RELN: variants seen among roughly 807,000 people sequenced by gnomAD.
RELN encodes reelin.
RELN carries 108 observed loss-of-function variants against 427.6 expected under a neutral mutation model. The ratio of observed to expected loss-of-function variants is 0.25; its 90% CI spans 0.22 to 0.30. The LOEUF (loss-of-function observed/expected upper bound fraction) is 0.30. Among genes scored for constraint, RELN ranks in the 10% least tolerant of loss-of-function variants. The pLI is 1.00. For synonymous variants in RELN, 1,524 were observed against 1,513.4 expected, an observed-to-expected ratio of 1.01 and a Z score of -0.16; for missense variants, 3,715 against 4,302.8, an observed-to-expected ratio of 0.86 and a Z score of 3.82.
intron 2 of RELN, among the ~76,000 whole-genome samples, chr7:103,887,969 T>C (rs10276523): frequency 0.66 from 100,390 of 151,906 alleles, 33,217 homozygotes; most frequent in East Asian, 0.78. Context: ...GGAAAACCCT[T>C]GGTGACATGG....
chr7:103,609,853 T>C (rs1432680107), intron 22 of RELN, among the ~76,000 whole-genome samples: 1 of 152,212 alleles, frequency 6.6e-6, no homozygotes, highest in Non-Finnish European at 1.5e-5. Context: ...TTATGCTTTT[T>C]CTTCTGCACA....
Position 103,899,427 on chromosome 7 carries a change from C to T in RELN, c.337+17648G>A, listed in dbSNP as rs150332925. On this transcript the variant is annotated intron_variant, in intron 2 of 64. Coordinates refer to ENST00000428762, the MANE Select transcript of RELN (RefSeq NM_005045.4). ...GAACATTAGAAAAAGAAGGACTCCT[C>T]CCTAACTCATTTTATGAGGCCAGCA... Among the ~76,000 whole-genome samples, 1,014 of 152,246 alleles carry T rather than the reference C, an allele frequency of 6.7e-3. 10 individuals carry two copies. The highest frequency in any genetic ancestry group is 0.023 in the African/African-American group (957 of 41,560).
At chr7:103,708,481 T>TTTTTTTTTTTTTA in intron 8 of RELN, among the ~76,000 whole-genome samples, 1 of 148,620 alleles carries the variant, frequency 6.7e-6, no homozygotes, top group Non-Finnish European at 1.5e-5. Flanking sequence ...TTTTTTTTTT[T>TTTTTTTTTTTTTA]GAGACGGAGT....
intron 9 of RELN, among the ~76,000 whole-genome samples, chr7:103,699,643 G>T (rs1028630669): frequency 2.0e-5 from 3 of 151,936 alleles, no homozygotes; most frequent in African/African-American, 7.2e-5. Context: ...CTTCAACTAT[G>T]ATATATAACA....
At chr7:103,896,882 T>C (rs7808391) in intron 2 of RELN, among the ~76,000 whole-genome samples, 75,003 of 151,486 alleles carry the variant, frequency 0.5, 19,080 homozygotes, top group East Asian at 0.81. Context: ...TCTGTTCTCA[T>C]GCTGCTAATA....
At chr7:103,793,870 C>T (rs1305536239) in intron 3 of RELN, among the ~76,000 whole-genome samples, 1 of 152,094 alleles carries the variant, frequency 6.6e-6, no homozygotes, top group Non-Finnish European at 1.5e-5. Context: ...AGGTACAAGT[C>T]ATTCTCGTGC....
chr7:103,883,190 T>A (rs542165680), intron 2 of RELN, among the ~76,000 whole-genome samples: 2 of 152,276 alleles, frequency 1.3e-5, no homozygotes, highest in South Asian at 2.1e-4. Context: ...AAAAACCACA[T>A]GATTATCTCA....
intron 2 of RELN, among the ~76,000 whole-genome samples, chr7:103,861,506 A>G (rs918251085): frequency 6.6e-6 from 1 of 152,182 alleles, no homozygotes; most frequent in African/African-American, 2.4e-5. Flanking sequence ...CTGACTATAT[A>G]CTAGGTAACA....
At chr7:103,520,045 T>C (rs913309506) in intron 48 of RELN, among the ~76,000 whole-genome samples, 5 of 152,128 alleles carry the variant, frequency 3.3e-5, no homozygotes, top group African/African-American at 1.2e-4. Flanking sequence ...GATAATTTTC[T>C]GTTTTCTTTT....
chr7:103,496,255 T>TA (rs1491172514), intron 56 of RELN, among the ~76,000 whole-genome samples: 1 of 152,196 alleles, frequency 6.6e-6, no homozygotes, highest in Non-Finnish European at 1.5e-5. Context: ...CTAAAGAAAC[T>TA]AAAATTATTT....
chr7:103,928,962 C>G (rs1462045696), intron 1 of RELN, among the ~76,000 whole-genome samples: 1 of 152,080 alleles, frequency 6.6e-6, no homozygotes, highest in South Asian at 2.1e-4. Flanking sequence ...GAATATTTAG[C>G]CAATGTTACA....
intron 8 of RELN, among the ~76,000 whole-genome samples, chr7:103,709,700 A>T (rs1271767102): frequency 1.3e-5 from 2 of 152,216 alleles, no homozygotes; most frequent in African/African-American, 4.8e-5. Context: ...ACCAACAGTA[A>T]AAGTTGTTTG....
intron 4 of RELN, among the ~76,000 whole-genome samples, chr7:103,772,016 G>A (rs546147916): frequency 9.6e-4 from 146 of 152,258 alleles, no homozygotes; most frequent in Non-Finnish European, 1.8e-3. Context: ...AAGTCCCTGA[G>A]CATTAACAGA....
At chr7:103,590,498 T>A (rs1831385132) in intron 27 of RELN, among the ~76,000 whole-genome samples, 1 of 151,904 alleles carries the variant, frequency 6.6e-6, no homozygotes, top group Non-Finnish European at 1.5e-5. Flanking sequence ...AGGCGGAGGT[T>A]GCAGTGAGCT....
At chr7:103,895,176 C>T (rs145782170) in intron 2 of RELN, among the ~76,000 whole-genome samples, 1 of 152,038 alleles carries the variant, frequency 6.6e-6, no homozygotes, top group African/African-American at 2.4e-5. Context: ...TTCCAATTAT[C>T]GCAGAACTCA....
intron 46 of RELN, among the ~76,000 whole-genome samples, chr7:103,532,312 G>A (rs12668932): frequency 0.16 from 24,206 of 152,022 alleles, 2,658 homozygotes; most frequent in South Asian, 0.3. Flanking sequence ...AGTGGGAGGA[G>A]GGAAAGCATC....
intron 4 of RELN, among the ~76,000 whole-genome samples, chr7:103,771,733 G>A (rs892474279): frequency 6.7e-6 from 1 of 150,314 alleles, no homozygotes; most frequent in South Asian, 2.1e-4. Flanking sequence ...ACCTTCTCTA[G>A]GTCTCTCTAA....
chr7:103,603,279 G>A lies in RELN; in HGVS notation c.3333+25C>T, dbSNP rs754533310. On this transcript the variant is annotated intron_variant, in intron 24 of 64. Coordinates refer to ENST00000428762, the MANE Select transcript of RELN (RefSeq NM_005045.4). The surrounding 1 kb of genome is among the most constrained non-coding windows in gnomAD (Gnocchi z 4.3). Reference sequence around the variant, plus strand: ...ATATTAAACTAGCCATTGCCCCGATGACTTATCCCAGCTGTTGGTCATACC... The same window carrying A: ...ATATTAAACTAGCCATTGCCCCGATAACTTATCCCAGCTGTTGGTCATACC... The A allele has an allele frequency of 1.1e-5, 17 of 1,590,246 alleles. No individual in the cohort carries two copies. The highest frequency in any genetic ancestry group is 3.3e-5 in the Admixed American group (2 of 59,952).
chr7:103,784,112 T>C (rs1791959843), intron 3 of RELN, among the ~76,000 whole-genome samples: 1 of 152,108 alleles, frequency 6.6e-6, no homozygotes, highest in Non-Finnish European at 1.5e-5. Context: ...TGCAGAAGAA[T>C]GGCTCGTCTA....
Sources: allele counts gnomAD v4.1 joint callset (sites outside exome capture counted in the v4.1 genomes callset), GRCh38; gene constraint gnomAD v4.1.1; non-coding constraint Gnocchi (gnomAD v3.1); transcripts MANE v1.5; gene names NCBI Gene and HGNC (gene_info 2026-07-23, HGNC 2026-07-21).